SYN3: variants seen among roughly 807,000 people sequenced by gnomAD.
SYN3 encodes synapsin III, also known as synapsin-3.
In SYN3, 35 loss-of-function variants were observed where a neutral mutation model predicts 65.8. That is an observed-to-expected ratio of 0.53 (90% CI 0.41 to 0.70). The LOEUF (loss-of-function observed/expected upper bound fraction) is 0.70. Ranked by LOEUF, SYN3 falls within the 30% of genes least tolerant of loss-of-function variation. The pLI is 0.00. For synonymous variants in SYN3, 270 were observed against 292.9 expected (o/e 0.92, Z 0.80); for missense variants, 680 against 749.0 (o/e 0.91, Z 1.08).
chr22:32,749,300 C>T (rs1039318945), intron 6 of SYN3, among the ~76,000 whole-genome samples: 29 of 100,754 alleles, frequency 2.9e-4, no homozygotes, highest in Non-Finnish European at 5.1e-4. Flanking sequence ...CCCAAAGCCC[C>T]CCCCCCACCC....
At chr22:32,555,840 C>T (rs879282000) in intron 7 of SYN3, among the ~76,000 whole-genome samples, 3 of 152,122 alleles carry the variant, frequency 2.0e-5, no homozygotes, top group East Asian at 1.9e-4. Context: ...AGAAACTAGT[C>T]GGATGGGGTC....
intron 2 of SYN3, among the ~76,000 whole-genome samples, chr22:33,005,752 T>A (rs1335225306): frequency 6.6e-6 from 1 of 152,182 alleles, no homozygotes; most frequent in Non-Finnish European, 1.5e-5. Context: ...ATCCCAAGGT[T>A]TGGGATAAGG....
At chr22:32,963,893 T>G (rs2051739608) in intron 3 of SYN3, among the ~76,000 whole-genome samples, 1 of 152,182 alleles carries the variant, frequency 6.6e-6, no homozygotes, top group Non-Finnish European at 1.5e-5. Context: ...GTCCAATGAA[T>G]GCAAAGTTTG....
chr22:32,940,559 C>T (rs956311942), intron 3 of SYN3, among the ~76,000 whole-genome samples: 9 of 151,906 alleles, frequency 5.9e-5, no homozygotes, highest in South Asian at 2.1e-4. Flanking sequence ...GAGGTAGGAC[C>T]GAAGGTTCAA....
At chr22:32,767,392 C>T (rs960757069) in intron 6 of SYN3, among the ~76,000 whole-genome samples, 5 of 151,876 alleles carry the variant, frequency 3.3e-5, no homozygotes, top group Non-Finnish European at 5.9e-5. Flanking sequence ...ACTTCACACA[C>T]ACACATACAT....
chr22:32,594,405 G>C (rs1376805025), intron 7 of SYN3, among the ~76,000 whole-genome samples: 2 of 152,120 alleles, frequency 1.3e-5, no homozygotes, highest in East Asian at 3.9e-4. Flanking sequence ...AAGTTAGATG[G>C]TAACTCACCC....
rs569033426 is a variant in SYN3, at chr22:32,543,258, C to T, written c.775-1545G>A. Among the ~76,000 whole-genome samples the T allele has an allele frequency of 1.8e-4, 28 of 152,288 alleles. No homozygotes were observed. In the South Asian group the frequency reaches 5.8e-3, roughly 32 times the overall value. On this transcript the variant is annotated intron_variant, in intron 7 of 13. Coordinates refer to ENST00000358763, the MANE Select transcript of SYN3 (RefSeq NM_003490.4). ...AGCAGGCAGGCAGGCTGGGCACTGT[C>T]GTGGTCACTTAACAGATAAGGAAAC... is the stretch of plus-strand genomic sequence containing the variant.
chr22:32,554,106 A>G (rs1353709965), intron 7 of SYN3, among the ~76,000 whole-genome samples: 1 of 152,178 alleles, frequency 6.6e-6, no homozygotes, highest in Non-Finnish European at 1.5e-5. Flanking sequence ...TGTCTGTTGA[A>G]GCTCTGCAGG....
chr22:32,603,146 A>C (rs1157311043), intron 6 of SYN3, among the ~76,000 whole-genome samples: 1 of 152,098 alleles, frequency 6.6e-6, no homozygotes, highest in Non-Finnish European at 1.5e-5. Flanking sequence ...TTGTCATGTA[A>C]GAAGGGCCAG....
At chr22:32,713,885 A>G (rs893310154) in intron 6 of SYN3, among the ~76,000 whole-genome samples, 1 of 151,964 alleles carries the variant, frequency 6.6e-6, no homozygotes, top group Non-Finnish European at 1.5e-5. Flanking sequence ...ATCTGCATCA[A>G]CACCAAAGGA....
At chr22:32,825,097 T>C (rs1048432391) in intron 6 of SYN3, among the ~76,000 whole-genome samples, 3 of 152,032 alleles carry the variant, frequency 2.0e-5, no homozygotes, top group Non-Finnish European at 4.4e-5. Context: ...TCTTTCGGGT[T>C]TGGTAAACAG....
intron 6 of SYN3, among the ~76,000 whole-genome samples, chr22:32,644,511 AC>A (rs1334201684): frequency 1.3e-5 from 2 of 152,164 alleles, no homozygotes; most frequent in African/African-American, 4.8e-5. Flanking sequence ...GCTCCACGCA[AC>A]CCTCCCAAAT....
intron 2 of SYN3, among the ~76,000 whole-genome samples, chr22:32,989,545 G>T (rs2052630387): frequency 6.6e-6 from 1 of 152,092 alleles, no homozygotes; most frequent in Non-Finnish European, 1.5e-5. Flanking sequence ...GGTAAATAAA[G>T]TCATCAGGGC....
chr22:32,950,212 G>A (rs979214721), intron 3 of SYN3, among the ~76,000 whole-genome samples: 2 of 152,182 alleles, frequency 1.3e-5, no homozygotes, highest in African/African-American at 4.8e-5. Context: ...TAAGTTCACA[G>A]GAAAAAGTCA....
chr22:32,986,294 G>T (rs2052525899), intron 2 of SYN3, among the ~76,000 whole-genome samples: 1 of 152,144 alleles, frequency 6.6e-6, no homozygotes, highest in African/African-American at 2.4e-5. Flanking sequence ...CTTCGCAACT[G>T]GCATTCCTCG....
rs186547118 is a variant in SYN3, at chr22:32,513,689, G to T, written c.*3C>A. The T allele has an allele frequency of 1.1e-5, 18 of 1,614,108 alleles. No individual in the cohort carries two copies. The African/African-American group carries it at 2.3e-4, about 20-fold the overall frequency. On this transcript the variant is annotated 3_prime_UTR_variant, in exon 14 of 14. Coordinates refer to ENST00000358763, the MANE Select transcript of SYN3 (RefSeq NM_003490.4). ...CACTCTTCCCCTCCCAGCCTGGATGGCGTTAGTCAGAGAACAGGCTGGCAA... is the reference window on the plus strand; with the variant it reads ...CACTCTTCCCCTCCCAGCCTGGATGTCGTTAGTCAGAGAACAGGCTGGCAA...
At chr22:32,886,985 G>A (rs552692475) in intron 4 of SYN3, among the ~76,000 whole-genome samples, 42 of 152,244 alleles carry the variant, frequency 2.8e-4, no homozygotes, top group Admixed American at 1.4e-3. Context: ...GAGATGGGTT[G>A]GCACCCCATG....
chr22:32,721,216 G>A (rs1260049123), intron 6 of SYN3, among the ~76,000 whole-genome samples: 1 of 152,046 alleles, frequency 6.6e-6, no homozygotes, highest in Admixed American at 6.5e-5. Flanking sequence ...CCGGTGGTGG[G>A]CAGGCAGCTG....
chr22:32,541,340 A>G (rs1019131267), intron 8 of SYN3, among the ~76,000 whole-genome samples: 2 of 152,190 alleles, frequency 1.3e-5, no homozygotes, highest in Non-Finnish European at 1.5e-5. Context: ...CATGCCAAGC[A>G]CCTTTCTTGC....
Sources: allele counts gnomAD v4.1 joint callset (sites outside exome capture counted in the v4.1 genomes callset), GRCh38; gene constraint gnomAD v4.1.1; transcripts MANE v1.5; gene names NCBI Gene and HGNC (gene_info 2026-07-23, HGNC 2026-07-21).